The following PTPRD variants were observed in gnomAD, a reference collection of about 807,000 sequenced individuals.
PTPRD encodes protein tyrosine phosphatase receptor type D, also known as receptor-type tyrosine-protein phosphatase delta.
A neutral mutation model predicts 214.5 loss-of-function variants in PTPRD; 34 were observed. That is an observed-to-expected ratio of 0.16 (90% CI 0.12 to 0.21). PTPRD has a LOEUF of 0.21. Among genes scored for constraint, PTPRD ranks in the 10% least tolerant of loss-of-function variants. PTPRD has a pLI of 1.00. For missense variants in PTPRD, 2,545 were observed against 2,398.7 expected (o/e 1.06, Z -1.27); for synonymous variants, 1,128 against 845.7 (o/e 1.33, Z -5.79).
chr9:9,389,825 G>A (rs114429019), intron 9 of PTPRD, among the ~76,000 whole-genome samples: 1,850 of 152,244 alleles, frequency 0.012, 43 homozygotes, highest in African/African-American at 0.042. Context: ...CTGTGCCAGA[G>A]CCTGGGGATA....
Position 8,863,517 on chromosome 9 carries a change from A to G in PTPRD, c.-103-129571T>C, listed in dbSNP as rs939693375. ...TATAATTAATATATGACAAGCTGTC[A>G]GCTAAAATTTAACAGGTGATTTGTC... is the stretch of plus-strand genomic sequence containing the variant. On this transcript the variant is annotated intron_variant, in intron 11 of 45. Coordinates refer to ENST00000381196, the MANE Select transcript of PTPRD (RefSeq NM_002839.4). Among the ~76,000 whole-genome samples the G allele has an allele frequency of 4.6e-5, 7 of 152,344 alleles. No homozygotes were observed. In the East Asian group the frequency reaches 1.2e-3, roughly 25 times the overall value.
intron 3 of PTPRD, among the ~76,000 whole-genome samples, chr9:10,216,417 T>A (rs1397235790): frequency 2.6e-5 from 4 of 151,984 alleles, no homozygotes; most frequent in Non-Finnish European, 4.4e-5. Flanking sequence ...ATAGCTTATA[T>A]ACAGTCTTTA....
intron 11 of PTPRD, among the ~76,000 whole-genome samples, chr9:8,850,031 C>T (rs921192215): frequency 6.6e-6 from 1 of 151,916 alleles, no homozygotes; most frequent in African/African-American, 2.4e-5. Flanking sequence ...AGGATAAGAA[C>T]AAAAGGAAGA....
chr9:9,916,921 T>C (rs1343460790), intron 5 of PTPRD, among the ~76,000 whole-genome samples: 1 of 151,744 alleles, frequency 6.6e-6, no homozygotes, highest in East Asian at 1.9e-4. Context: ...ACATTTGAAA[T>C]AATACAAATT....
At chr9:9,516,018 C>G (rs2096828984) in intron 8 of PTPRD, among the ~76,000 whole-genome samples, 1 of 152,048 alleles carries the variant, frequency 6.6e-6, no homozygotes, top group Non-Finnish European at 1.5e-5. Context: ...TATTTGTACC[C>G]ATATGCAAGC....
chr9:8,531,219 C>A (rs1675144560), intron 14 of PTPRD, among the ~76,000 whole-genome samples: 1 of 151,994 alleles, frequency 6.6e-6, no homozygotes, highest in African/African-American at 2.4e-5. Flanking sequence ...GATGATTTTT[C>A]AAGGCTCCAA....
intron 39 of PTPRD, among the ~76,000 whole-genome samples, chr9:8,355,490 T>C (rs1043988498): frequency 6.6e-6 from 1 of 152,170 alleles, no homozygotes; most frequent in South Asian, 2.1e-4. Context: ...TAGTATTAAG[T>C]GTATTTAGAA....
intron 12 of PTPRD, among the ~76,000 whole-genome samples, chr9:8,667,250 T>A (rs908019413): frequency 6.6e-6 from 1 of 151,832 alleles, no homozygotes. Flanking sequence ...GAGGCAGGAG[T>A]ATCGCTTGAA....
chr9:9,629,098 C>T (rs186216932), intron 7 of PTPRD, among the ~76,000 whole-genome samples: 52 of 151,534 alleles, frequency 3.4e-4, no homozygotes, highest in African/African-American at 1.2e-3. Context: ...CACTTGAACC[C>T]GGGAGGCGGA....
intron 44 of PTPRD, among the ~76,000 whole-genome samples, chr9:8,324,477 C>T (rs74878024): frequency 0.043 from 6,517 of 152,240 alleles, 190 homozygotes; most frequent in South Asian, 0.16. Flanking sequence ...ATATGTGCCG[C>T]ATTTTCTTTA....
At chr9:9,939,438 G>T (rs1042797284) in intron 4 of PTPRD, among the ~76,000 whole-genome samples, 2 of 152,118 alleles carry the variant, frequency 1.3e-5, no homozygotes, top group Non-Finnish European at 2.9e-5. Context: ...GCCTCCCCAA[G>T]ATTTGGAGTT....
intron 7 of PTPRD, among the ~76,000 whole-genome samples, chr9:9,653,810 A>T (rs2096440191): frequency 6.6e-6 from 1 of 152,260 alleles, no homozygotes; most frequent in Non-Finnish European, 1.5e-5. Flanking sequence ...CTATTAACTA[A>T]GGACACATGG....
chr9:9,812,516 G>A (rs1254863136), intron 5 of PTPRD, among the ~76,000 whole-genome samples: 1 of 151,970 alleles, frequency 6.6e-6, no homozygotes, highest in Non-Finnish European at 1.5e-5. Flanking sequence ...CCAAAAGGAA[G>A]CAGTAGTACT....
chr9:9,554,335 C>A (rs80336703), intron 8 of PTPRD, among the ~76,000 whole-genome samples: 19,494 of 151,828 alleles, frequency 0.13, 1,733 homozygotes, highest in Non-Finnish European at 0.18. Flanking sequence ...CTAATATATT[C>A]TTCTGCCTCA....
chr9:9,819,449 T>G (rs56089577), intron 5 of PTPRD, among the ~76,000 whole-genome samples: 27,437 of 152,170 alleles, frequency 0.18, 2,543 homozygotes, highest in African/African-American at 0.21. Flanking sequence ...ATAATTAATT[T>G]CTACTGCATA....
At chr9:8,774,677 G>C (rs373258046) in intron 11 of PTPRD, among the ~76,000 whole-genome samples, 3 of 151,804 alleles carry the variant, frequency 2.0e-5, no homozygotes, top group South Asian at 2.1e-4. Context: ...TGGGATTACA[G>C]GCATGCGCCA....
intron 8 of PTPRD, among the ~76,000 whole-genome samples, chr9:9,444,423 G>A (rs1329418791): frequency 1.3e-5 from 2 of 152,060 alleles, no homozygotes; most frequent in African/African-American, 4.8e-5. Context: ...TTAATTCTCA[G>A]ACCCAAAGGA....
rs1192029019 is a variant in PTPRD, at chr9:10,141,881, A to T, written c.-544-108091T>A. ...ACAAGGCTACAGTAACCAAAACAGCATGGTACTGGTACCAAAACAGCATGG... is the reference window on the plus strand; with the variant it reads ...ACAAGGCTACAGTAACCAAAACAGCTTGGTACTGGTACCAAAACAGCATGG... On this transcript the variant is annotated intron_variant, in intron 3 of 45. Coordinates refer to ENST00000381196, the MANE Select transcript of PTPRD (RefSeq NM_002839.4). Among the ~76,000 whole-genome samples, 10 of 152,164 alleles carry T rather than the reference A, an allele frequency of 6.6e-5. 1 individual carries two copies. Among genetic ancestry groups the T allele is most frequent in the Admixed American group, 6.5e-4 (10 of 15,278 alleles).
intron 36 of PTPRD, among the ~76,000 whole-genome samples, chr9:8,401,639 A>C (rs567220956): frequency 1.2e-4 from 19 of 152,286 alleles, no homozygotes; most frequent in East Asian, 5.8e-4. Context: ...ATTACTGCCC[A>C]CACACAATTC....
Sources: allele counts gnomAD v4.1 joint callset (sites outside exome capture counted in the v4.1 genomes callset), GRCh38; gene constraint gnomAD v4.1.1; transcripts MANE v1.5; gene names NCBI Gene and HGNC (gene_info 2026-07-23, HGNC 2026-07-21).